The following DDIAS variants were observed in gnomAD, a reference collection of about 807,000 sequenced individuals.
DDIAS encodes the protein DNA damage-induced apoptosis suppressor protein.
DDIAS carries 14 observed loss-of-function variants against 15.7 expected under a neutral mutation model. The observed-to-expected ratio is 0.89, with a 90% confidence interval of 0.59 to 1.39. The LOEUF (loss-of-function observed/expected upper bound fraction) is 1.39. DDIAS is among the 40% of genes most tolerant of loss of function. The pLI is 0.00. For missense variants in DDIAS, 1,035 were observed against 1,130.9 expected (o/e 0.92, Z 1.22); for synonymous variants, 355 against 395.9 (o/e 0.90, Z 1.23).
intron 4 of DDIAS, 25 bp downstream of exon 4, chr11:82,928,963 T>C (rs934317741): frequency 6.3e-7 from 1 of 1,587,942 alleles, no homozygotes; most frequent in Non-Finnish European, 8.5e-7. Context: ...AACATCCTTT[T>C]TCCTGACTGC....
intron 3 of DDIAS, among the ~76,000 whole-genome samples, chr11:82,921,634 G>A (rs1204016819): frequency 1.5e-5 from 2 of 132,014 alleles, no homozygotes; most frequent in Admixed American, 8.5e-5. Context: ...CTGGAGTGAA[G>A]TGGTGCAATC....
Position 82,931,877 on chromosome 11 carries a change from A to G in DDIAS, c.539A>G (p.Tyr180Cys). Residue 180 changes from tyrosine (Y) to cysteine (C), a missense_variant, in exon 6 of 6, where the codon TAC becomes TGC. Coordinates refer to ENST00000533655, the MANE Select transcript of DDIAS (RefSeq NM_145018.4). ...PGIAGFTVID[Y>C]FHQLLQTFNF... is the part of the protein sequence containing the mutation. ...ATTGCAGGCTTTACTGTCATTGACT[A>G]CTTCCATCAACTTTTGCAGACTTTT... The G allele has an allele frequency of 1.2e-6, 2 of 1,614,184 alleles. No individual in the cohort carries two copies. The highest frequency in any genetic ancestry group is 1.7e-6 in the Non-Finnish European group (2 of 1,180,032).
At chr11:82,930,074 C>A in intron 4 of DDIAS, 83 bp from the exon 5 acceptor site, 1 of 794,360 alleles carries the variant, frequency 1.3e-6, no homozygotes, top group Non-Finnish European at 2.0e-6. Context: ...GCTGCATTTT[C>A]AAATTAATTG....
chr11:82,933,885 T>A lies in DDIAS; in HGVS notation c.2547T>A (p.Asn849Lys). ...VSGVSQPDVF[N>K]HYPFAECHET... is the part of the protein sequence containing the mutation. Reference sequence around the variant, plus strand: ...GTGTTTCACAACCAGACGTTTTCAATCACTACCCTTTTGCTGAGTGCCATG... The same window carrying A: ...GTGTTTCACAACCAGACGTTTTCAAACACTACCCTTTTGCTGAGTGCCATG... Residue 849 changes from asparagine to lysine, a missense_variant, in exon 6 of 6, where the codon AAT becomes AAA. Asn to Lys is a moderately conservative substitution (Grantham distance 94, BLOSUM62 0). Coordinates refer to ENST00000533655, the MANE Select transcript of DDIAS (RefSeq NM_145018.4). 6.2e-7 allele frequency: 1 copy of A among 1,614,040 alleles called. No individual in the cohort carries two copies. The highest frequency in any genetic ancestry group is 1.1e-5 in the South Asian group (1 of 91,054).
intron 3 of DDIAS, among the ~76,000 whole-genome samples, chr11:82,925,697 C>T (rs756983913): frequency 8.6e-5 from 13 of 151,830 alleles, no homozygotes; most frequent in South Asian, 6.2e-4. Flanking sequence ...TTAAATAATT[C>T]GACTATGGTA....
chr11:82,910,950 A>T (rs747813755), intron 1 of DDIAS, among the ~76,000 whole-genome samples: 1 of 152,234 alleles, frequency 6.6e-6, no homozygotes, highest in Non-Finnish European at 1.5e-5. Context: ...CAAGTCACAC[A>T]AATTTTTTGG....
intron 4 of DDIAS, among the ~76,000 whole-genome samples, chr11:82,929,691 G>A (rs1215223952): frequency 4.2e-5 from 6 of 142,864 alleles, no homozygotes; most frequent in South Asian, 2.2e-4. Flanking sequence ...GAGACAGAGC[G>A]AGACTCTGTC....
intron 4 of DDIAS, among the ~76,000 whole-genome samples, chr11:82,929,923 C>T (rs1860948119): frequency 1.3e-5 from 2 of 152,228 alleles, no homozygotes; most frequent in South Asian, 4.1e-4. Context: ...ATAATCATTG[C>T]CGGGCCTGAT....
intron 3 of DDIAS, among the ~76,000 whole-genome samples, chr11:82,921,600 C>T (rs1360589905): frequency 1.2e-4 from 10 of 86,564 alleles, no homozygotes; most frequent in South Asian, 4.2e-4. Flanking sequence ...TTTTTTGAGA[C>T]GGAGTTTCGC....
chr11:82,913,034 A>T (rs1860556700), intron 1 of DDIAS, among the ~76,000 whole-genome samples: 1 of 152,192 alleles, frequency 6.6e-6, no homozygotes, highest in Non-Finnish European at 1.5e-5. Flanking sequence ...ATCAAACATC[A>T]CTGATCACAA....
intron 3 of DDIAS, among the ~76,000 whole-genome samples, chr11:82,925,910 C>A (rs1360045494): frequency 6.6e-6 from 1 of 151,622 alleles, no homozygotes; most frequent in African/African-American, 2.4e-5. Flanking sequence ...ATCGCCTGAA[C>A]CCAAGAGGTG....
At chr11:82,913,488 C>T (rs937039609) in intron 2 of DDIAS, 102 bp downstream of exon 2, 2 of 253,060 alleles carry the variant, frequency 7.9e-6, no homozygotes, top group South Asian at 3.6e-5. Flanking sequence ...CAAGCAATCC[C>T]CCCACCTCAG....
intron 5 of DDIAS, among the ~76,000 whole-genome samples, chr11:82,930,736 T>C (rs1273669232): frequency 4.1e-5 from 5 of 123,098 alleles, no homozygotes; most frequent in Admixed American, 2.6e-4. Flanking sequence ...AAAGTGACTG[T>C]AGAAGAAGTT....
Position 82,908,737 on chromosome 11 carries a change from T to C in DDIAS, c.-116-4550T>C, listed in dbSNP as rs187817604. ...AATTTCCCACATGTGCCAGTTTCAATTGTCATAACAACGAACTTCGCTCTG... is the reference window on the plus strand; with the variant it reads ...AATTTCCCACATGTGCCAGTTTCAACTGTCATAACAACGAACTTCGCTCTG... On this transcript the variant is annotated intron_variant, in intron 1 of 5. Coordinates refer to ENST00000533655, the MANE Select transcript of DDIAS (RefSeq NM_145018.4). Among the ~76,000 whole-genome samples, 11 of 152,336 alleles carry C rather than the reference T, an allele frequency of 7.2e-5. No individual in the cohort carries two copies. In the East Asian group the frequency reaches 2.1e-3, roughly 29 times the overall value.
chr11:82,908,176 G>A (rs2086298), intron 1 of DDIAS, among the ~76,000 whole-genome samples: 71,708 of 152,032 alleles, frequency 0.47, 17,082 homozygotes, highest in Admixed American at 0.52. Context: ...GAAGAATATC[G>A]TAGCCAAAGA....
Position 82,930,298 on chromosome 11 carries a change from T to C in DDIAS, c.393+24T>C, listed in dbSNP as rs1295478704. On this transcript the variant is annotated intron_variant, in intron 5 of 5. Coordinates refer to ENST00000533655, the MANE Select transcript of DDIAS (RefSeq NM_145018.4). ...CGGTAATTGAGACTAGCTTTCTTTT[T>C]AATAATCTGTTAACATTTCCATTGT... 2.9e-6 allele frequency: 4 copies of C among 1,400,806 alleles called. No homozygotes were observed. The African/African-American group carries it at 5.8e-5, about 20-fold the overall frequency. 86.8% of individuals were successfully genotyped at this position (1,400,806 alleles called of 1,614,324 possible).
intron 2 of DDIAS, chr11:82,913,788 T>A (rs1015293247): frequency 2.5e-6 from 1 of 402,654 alleles, no homozygotes; most frequent in Admixed American, 3.3e-5. Context: ...TCTGAAATGT[T>A]TGGGTCCAGA....
chr11:82,918,179 T>A (rs922879774), intron 3 of DDIAS, among the ~76,000 whole-genome samples: 2 of 152,166 alleles, frequency 1.3e-5, no homozygotes, highest in Non-Finnish European at 2.9e-5. Context: ...TGCTTTTGGG[T>A]ACGCCAATGT....
At chr11:82,917,217 G>A (rs1402025067) in intron 3 of DDIAS, among the ~76,000 whole-genome samples, 1 of 151,938 alleles carries the variant, frequency 6.6e-6, no homozygotes, top group Admixed American at 6.6e-5. Flanking sequence ...GTTCTTCAGT[G>A]GTGCTTTGTG....
Sources: gnomAD v4.1 joint callset for allele counts (sites outside exome capture counted in the v4.1 genomes callset) on GRCh38, gnomAD v4.1.1 for gene constraint, MANE v1.5 for transcripts, NCBI Gene and HGNC (gene_info 2026-07-23, HGNC 2026-07-21) for gene names.